GRID1: variants seen among roughly 807,000 people sequenced by gnomAD.
GRID1 encodes glutamate receptor ionotropic, delta-1.
Under a neutral mutation model 98.0 loss-of-function variants are expected in GRID1, and 28 were observed. The observed-to-expected ratio is 0.29, with a 90% CI of 0.21 to 0.39. The LOEUF (loss-of-function observed/expected upper bound fraction) is 0.39, where lower values mean the gene tolerates loss of function less well. Among genes scored for constraint, GRID1 ranks in the 10% least tolerant of loss-of-function variants. The probability of loss-of-function intolerance (pLI) is 1.00; values close to 1 mark genes in which losing one functional copy is unlikely to be tolerated. For synonymous variants in GRID1, 553 were observed against 538.5 expected, an observed-to-expected ratio of 1.03 and a Z score of -0.37; for missense variants, 1,111 against 1,340.5, an observed-to-expected ratio of 0.83 and a Z score of 2.67.
At chr10:85,791,540 A>T (rs1842479513) in intron 8 of GRID1, among the ~76,000 whole-genome samples, 1 of 152,226 alleles carries the variant, frequency 6.6e-6, no homozygotes, top group South Asian at 2.1e-4. Flanking sequence ...ACAGGGAGCC[A>T]GCTCTCTTTG....
chr10:86,063,633 C>T (rs745386638), intron 4 of GRID1, among the ~76,000 whole-genome samples: 29 of 152,106 alleles, frequency 1.9e-4, no homozygotes, highest in Non-Finnish European at 2.8e-4. Flanking sequence ...ATATACTTTG[C>T]AGCTTTTAGA....
intron 2 of GRID1, among the ~76,000 whole-genome samples, chr10:86,288,063 G>A (rs1847460350): frequency 6.6e-6 from 1 of 152,146 alleles, no homozygotes; most frequent in African/African-American, 2.4e-5. Context: ...GCCTCCTGGG[G>A]AAAAGGCAGC....
chr10:86,231,957 G>A (rs1348312318), intron 2 of GRID1, among the ~76,000 whole-genome samples: 1 of 152,174 alleles, frequency 6.6e-6, no homozygotes, highest in African/African-American at 2.4e-5. Context: ...GATGGGGTGA[G>A]GGTTGCTCCT....
rs1269708969 is a variant in GRID1, at chr10:85,724,486, A to C, written c.1724T>G (p.Val575Gly). 2 of 1,614,154 alleles carry C rather than the reference A, an allele frequency of 1.2e-6. No homozygotes were observed. The highest frequency in any genetic ancestry group is 1.7e-6 in the Non-Finnish European group (2 of 1,179,990). ...VWACIAAAIP[V>G]VGVLIFVLNR... ...CAACACAAATATCAGCACACCAACC[A>C]CAGGGATGGCTGCTGCAATGCAGGC... The change falls in exon 11 of 16, where the codon GTG (valine) becomes GGG (glycine). Residue 575 changes from valine to glycine, a missense_variant. Transcript: ENST00000327946.
chr10:85,914,472 T>C (rs4303176), intron 5 of GRID1, among the ~76,000 whole-genome samples: 55,962 of 151,846 alleles, frequency 0.37, 11,370 homozygotes, highest in African/African-American at 0.54. Flanking sequence ...ATCAAGGCAG[T>C]CTCTCACAGG....
chr10:85,716,598 T>G (rs1362730923), intron 12 of GRID1, among the ~76,000 whole-genome samples: 1 of 149,152 alleles, frequency 6.7e-6, no homozygotes, highest in African/African-American at 2.4e-5. Context: ...ATGTGATATA[T>G]TATATATGTA....
chr10:86,317,275 G>A (rs890289590), intron 2 of GRID1, among the ~76,000 whole-genome samples: 32 of 152,006 alleles, frequency 2.1e-4, no homozygotes, highest in Admixed American at 2.6e-4. Flanking sequence ...GAGGGAGGCC[G>A]CACCTCCAGG....
At chr10:85,671,685 T>A (rs1841087370) in intron 12 of GRID1, among the ~76,000 whole-genome samples, 1 of 152,196 alleles carries the variant, frequency 6.6e-6, no homozygotes, top group African/African-American at 2.4e-5. Flanking sequence ...AATCTAGAAA[T>A]GATTACACTT....
intron 4 of GRID1, among the ~76,000 whole-genome samples, chr10:86,104,367 G>C (rs1020547997): frequency 9.2e-5 from 14 of 152,314 alleles, no homozygotes; most frequent in Admixed American, 7.8e-4. Flanking sequence ...AGAAGGCCCG[G>C]CACAGGCATC....
intron 5 of GRID1, among the ~76,000 whole-genome samples, chr10:85,913,051 C>T (rs1298663729): frequency 6.6e-6 from 1 of 152,156 alleles, no homozygotes; most frequent in African/African-American, 2.4e-5. Context: ...ATTTGGAAAA[C>T]ACCACGGTCC....
At chr10:85,908,432 A>T (rs1841491784) in intron 5 of GRID1, among the ~76,000 whole-genome samples, 2 of 152,230 alleles carry the variant, frequency 1.3e-5, no homozygotes. Context: ...TTAAACTATA[A>T]TTTTCAGTAG....
chr10:86,170,901 C>CAGGTT (rs1845475805), intron 3 of GRID1, among the ~76,000 whole-genome samples: 1 of 152,164 alleles, frequency 6.6e-6, no homozygotes, highest in Non-Finnish European at 1.5e-5. Flanking sequence ...AGGTTCTCCT[C>CAGGTT]TACACTCAAG....
chr10:85,951,161 T>C (rs1347813150), intron 4 of GRID1, among the ~76,000 whole-genome samples: 1 of 152,214 alleles, frequency 6.6e-6, no homozygotes, highest in Non-Finnish European at 1.5e-5. Flanking sequence ...GTCACTGTCT[T>C]CCTTGGGCTG....
intron 3 of GRID1, among the ~76,000 whole-genome samples, chr10:86,177,461 C>CAG (rs774895749): frequency 5.9e-5 from 9 of 151,270 alleles, no homozygotes; most frequent in African/African-American, 1.7e-4. Flanking sequence ...GCATGCATTA[C>CAG]AGAGAGAGAG....
At chr10:86,077,532 C>T (rs900683385) in intron 4 of GRID1, among the ~76,000 whole-genome samples, 4 of 152,210 alleles carry the variant, frequency 2.6e-5, no homozygotes, top group East Asian at 1.9e-4. Context: ...CCAAAGCATT[C>T]CCTGCTCCCT....
At chr10:86,064,798 A>T (rs139757695) in intron 4 of GRID1, among the ~76,000 whole-genome samples, 330 of 152,320 alleles carry the variant, frequency 2.2e-3, no homozygotes, top group African/African-American at 7.6e-3. Flanking sequence ...TCCTTTGCAT[A>T]AAAGTCCTTT....
chr10:85,624,190 A>G (rs1318943173), intron 13 of GRID1, among the ~76,000 whole-genome samples: 2 of 152,356 alleles, frequency 1.3e-5, no homozygotes, highest in East Asian at 3.9e-4. Flanking sequence ...TAATGCCTAA[A>G]AGATAAAAGG....
At chr10:86,292,987 A>G (rs1025655075) in intron 2 of GRID1, among the ~76,000 whole-genome samples, 2 of 152,100 alleles carry the variant, frequency 1.3e-5, no homozygotes, top group African/African-American at 4.8e-5. Context: ...CCTGGACTCT[A>G]CGAAAATCAC....
rs567982708 is a variant in GRID1 at position 86,025,812 on chromosome 10, T to C, written c.727-109573A>G. Among the ~76,000 whole-genome samples the C allele has an allele frequency of 5.3e-5, 8 of 152,320 alleles. No homozygotes were observed. In the South Asian group the frequency reaches 1.7e-3, roughly 32 times the overall value. ...CCTGTGAATAGATAATCAACCCAGT[T>C]TTGGGACCTGGAATAATGCCTCTGG... On this transcript the variant is annotated intron_variant, in intron 4 of 15. Coordinates refer to ENST00000327946, the MANE Select transcript of GRID1 (RefSeq NM_017551.3).
Sources: allele counts gnomAD v4.1 joint callset (sites outside exome capture counted in the v4.1 genomes callset), GRCh38; gene constraint gnomAD v4.1.1; transcripts MANE v1.5; gene names NCBI Gene and HGNC (gene_info 2026-07-23, HGNC 2026-07-21).